The following DGLUCY variants were observed in gnomAD, a reference collection of about 807,000 sequenced individuals.
The protein encoded by DGLUCY is D-glutamate cyclase, mitochondrial.
A neutral mutation model predicts 58.5 loss-of-function variants in DGLUCY; 58 were observed. The ratio of observed to expected loss-of-function variants is 0.99; its 90% CI spans 0.80 to 1.23. The LOEUF (loss-of-function observed/expected upper bound fraction) is 1.23, where lower values mean the gene tolerates loss of function less well. DGLUCY is among the 50% of genes most tolerant of loss of function. The pLI is 0.00. For synonymous variants in DGLUCY, 325 were observed against 314.1 expected, an observed-to-expected ratio of 1.03 and a Z score of -0.37; for missense variants, 779 against 784.7, an observed-to-expected ratio of 0.99 and a Z score of 0.09.
chr14:91,180,276 A>G (rs2049096212), intron 7 of DGLUCY, among the ~76,000 whole-genome samples: 1 of 152,028 alleles, frequency 6.6e-6, no homozygotes, highest in Non-Finnish European at 1.5e-5. Flanking sequence ...AAACAGGTTT[A>G]AAGAATAAAG....
At chr14:91,217,696 G>A (rs1471430299) in intron 13 of DGLUCY, among the ~76,000 whole-genome samples, 4 of 151,524 alleles carry the variant, frequency 2.6e-5, no homozygotes, top group East Asian at 1.9e-4. Context: ...CCAAGTTGGC[G>A]AGGCTGGTCT....
chr14:91,195,960 C>T (rs1426996834), intron 9 of DGLUCY, among the ~76,000 whole-genome samples: 1 of 152,052 alleles, frequency 6.6e-6, no homozygotes, highest in African/African-American at 2.4e-5. Context: ...ATGAGGCACC[C>T]GTGCCCAGCC....
At position 91,134,383 on chromosome 14, in the gene DGLUCY, C is replaced by A. The variant is rs139348454; in HGVS notation, c.-82+20100C>A. 7.8e-4 allele frequency among the ~76,000 whole-genome samples: 118 copies of A among 151,678 alleles called. 1 individual carries two copies. Among genetic ancestry groups the A allele is most frequent in the African/African-American group, 2.8e-3 (115 of 41,384 alleles). On this transcript the variant is annotated intron_variant, in intron 1 of 13. Coordinates refer to ENST00000256324, the MANE Select transcript of DGLUCY (RefSeq NM_001102368.3). ...TTCACATATTTTGTTAGATTTATTC[C>A]TGGGTAATTGATATTTATTCATGCT...
At chr14:91,203,209 G>A (rs558916880) in intron 11 of DGLUCY, among the ~76,000 whole-genome samples, 67 of 152,326 alleles carry the variant, frequency 4.4e-4, no homozygotes, top group African/African-American at 1.6e-3. Context: ...TACATGTTGG[G>A]TGTTATTCTC....
chr14:91,206,226 C>T (rs1011701692), intron 12 of DGLUCY, among the ~76,000 whole-genome samples: 5 of 151,972 alleles, frequency 3.3e-5, no homozygotes, highest in African/African-American at 7.3e-5. Context: ...ATCTGTGCCA[C>T]GTAAGGGGGA....
chr14:91,151,262 C>T (rs564993154), intron 1 of DGLUCY, among the ~76,000 whole-genome samples: 18 of 152,232 alleles, frequency 1.2e-4, no homozygotes, highest in Admixed American at 4.6e-4. Flanking sequence ...TTTTTTGAGA[C>T]GGAGTCTCGC....
chr14:91,060,585 T>A, exon 1 of DGLUCY: 2 of 1,061,614 alleles, frequency 1.9e-6, no homozygotes, highest in Middle Eastern at 6.3e-4. Context: ...TTTCCCGCTC[T>A]GGCCGCACGG....
At chr14:91,204,599 C>T (rs915893033) in intron 11 of DGLUCY, 107 bp from the exon 12 acceptor site, 3 of 1,448,482 alleles carry the variant, frequency 2.1e-6, no homozygotes, top group Middle Eastern at 1.9e-4. Context: ...CCAGAGCCAA[C>T]CTTTTTGCCC....
At chr14:91,191,358 T>C (rs138365575) in intron 9 of DGLUCY, among the ~76,000 whole-genome samples, 3 of 152,176 alleles carry the variant, frequency 2.0e-5, no homozygotes, top group African/African-American at 7.2e-5. Flanking sequence ...GATGAGAAAG[T>C]TCTGGAGATG....
chr14:91,130,985 T>C (rs182983113), intron 1 of DGLUCY, among the ~76,000 whole-genome samples: 203 of 152,096 alleles, frequency 1.3e-3, no homozygotes, highest in African/African-American at 4.5e-3. Context: ...TCTCGCTTTG[T>C]TGCTCAGGCT....
chr14:91,141,022 G>T (rs780539944), intron 1 of DGLUCY, among the ~76,000 whole-genome samples: 40 of 152,166 alleles, frequency 2.6e-4, no homozygotes, highest in South Asian at 6.2e-4. Flanking sequence ...GGCTGGTCAT[G>T]ATGGCCGAGT....
chr14:91,120,515 C>T (rs1378758974), intron 1 of DGLUCY, among the ~76,000 whole-genome samples: 4 of 152,094 alleles, frequency 2.6e-5, no homozygotes, highest in African/African-American at 7.2e-5. Flanking sequence ...GGGTCCAAGC[C>T]ATTCTCCTGC....
At chr14:91,143,029 CA>C (rs34164664) in intron 1 of DGLUCY, among the ~76,000 whole-genome samples, 47,354 of 82,952 alleles carry the variant, frequency 0.57, 11,813 homozygotes, top group East Asian at 0.86. Context: ...GACTCCCTCT[CA>C]AAAAAAAAAA....
chr14:91,128,591 G>C (rs956732021), intron 1 of DGLUCY, among the ~76,000 whole-genome samples: 1 of 152,124 alleles, frequency 6.6e-6, no homozygotes, highest in Admixed American at 6.6e-5. Context: ...GCTGGATCCA[G>C]ATACCTAAAT....
intron 13 of DGLUCY, among the ~76,000 whole-genome samples, chr14:91,222,455 A>C (rs955439287): frequency 1.3e-5 from 2 of 152,228 alleles, no homozygotes; most frequent in African/African-American, 4.8e-5. Flanking sequence ...AGCGAGAGGA[A>C]GAAGCCCAAA....
At chr14:91,127,974 G>C (rs891802870) in intron 1 of DGLUCY, among the ~76,000 whole-genome samples, 4 of 150,144 alleles carry the variant, frequency 2.7e-5, no homozygotes, top group African/African-American at 7.4e-5. Flanking sequence ...TTGAGCATGT[G>C]GTCTGACTCA....
intron 1 of DGLUCY, among the ~76,000 whole-genome samples, chr14:91,101,843 T>C (rs1165942567): frequency 1.3e-5 from 2 of 152,182 alleles, no homozygotes; most frequent in Non-Finnish European, 2.9e-5. Context: ...CACAGATGTG[T>C]GCCACCATGT....
chr14:91,133,537 A>AT (rs1484587743), intron 1 of DGLUCY, among the ~76,000 whole-genome samples: 1 of 152,120 alleles, frequency 6.6e-6, no homozygotes, highest in East Asian at 1.9e-4. Flanking sequence ...TGGTAGTTCA[A>AT]TGTTTAATTT....
chr14:91,214,558 G>A (rs1886227140), intron 12 of DGLUCY, among the ~76,000 whole-genome samples: 1 of 152,242 alleles, frequency 6.6e-6, no homozygotes, highest in Non-Finnish European at 1.5e-5. Flanking sequence ...CCAGAGGGGA[G>A]AGTTTCTTCA....
Sources: gnomAD v4.1 joint callset for allele counts (sites outside exome capture counted in the v4.1 genomes callset) on GRCh38, gnomAD v4.1.1 for gene constraint, MANE v1.5 for transcripts, NCBI Gene and HGNC (gene_info 2026-07-23, HGNC 2026-07-21) for gene names.